The following COL4A3 variants were observed in gnomAD, a reference collection of about 807,000 sequenced individuals.
COL4A3 encodes collagen alpha-3(IV) chain.
COL4A3 carries 135 observed loss-of-function variants against 217.4 expected under a neutral mutation model. That is an observed-to-expected ratio of 0.62 (90% CI 0.54 to 0.72). The LOEUF is 0.72. COL4A3 is among the 30% of genes least tolerant of loss of function. COL4A3 has a pLI of 0.00. For missense variants in COL4A3, 1,868 were observed against 2,119.9 expected, an observed-to-expected ratio of 0.88 and a Z score of 2.33; for synonymous variants, 690 against 736.3, an observed-to-expected ratio of 0.94 and a Z score of 1.02.
intron 26 of COL4A3, among the ~76,000 whole-genome samples, chr2:227,275,013 C>G (rs553727749): frequency 6.6e-6 from 1 of 152,338 alleles, no homozygotes; most frequent in South Asian, 2.1e-4. Flanking sequence ...TGGAACACAG[C>G]TGCACTCCTG....
intron 20 of COL4A3, among the ~76,000 whole-genome samples, chr2:227,262,403 G>C (rs970383487): frequency 6.6e-6 from 1 of 152,110 alleles, no homozygotes; most frequent in Non-Finnish European, 1.5e-5. Context: ...TTTTAGGATA[G>C]TTTTTTCTGT....
intron 23 of COL4A3, among the ~76,000 whole-genome samples, chr2:227,267,580 A>C (rs909715619): frequency 6.6e-6 from 1 of 152,222 alleles, no homozygotes; most frequent in African/African-American, 2.4e-5. Context: ...GCTGGGGACA[A>C]GAGAGTTGCA....
Position 227,303,100 on chromosome 2 carries a change from A to G in COL4A3, c.3945A>G (p.Pro1315=), listed in dbSNP as rs189574905. ...PRGDPGFQGF[P]GVKGEKGNPG... The stretch of plus-strand genomic sequence containing the variant: ...GTGATCCTGGATTCCAGGGGTTTCC[A>G]GGCGTGAAAGGTACTGTTTTTGTGC... Residue 1315 remains proline (P), a synonymous_variant, in exon 44 of 52, where the codon CCA becomes CCG. Coordinates refer to ENST00000396578, the MANE Select transcript of COL4A3 (RefSeq NM_000091.5). 6.9e-5 allele frequency: 111 copies of G among 1,613,854 alleles called. No homozygotes were observed. The African/African-American group carries it at 8.7e-4, about 13-fold the overall frequency.
rs375523118 is a variant in COL4A3, at chr2:227,289,229, C to T, written c.2961C>T (p.Pro987=). The T allele has an allele frequency of 6.6e-5, 107 of 1,613,400 alleles. No individual in the cohort carries two copies. The highest frequency in any genetic ancestry group is 1.6e-4 in the Middle Eastern group (1 of 6,080). The change falls in exon 35 of 52, where the codon CCC becomes CCT. Residue 987 remains proline, a synonymous_variant. Coordinates refer to ENST00000396578, the MANE Select transcript of COL4A3 (RefSeq NM_000091.5). ...GTTTAAAGGGCCTCAAAGGACTACC[C>T]GGACCAGCAGGACCACCAGGTACAG... The part of the protein sequence containing the change: ...MPGLKGLKGL[P]GPAGPPGPRG...
Position 227,164,645 on chromosome 2 carries a change from A to G in COL4A3, c.-82A>G. On this transcript the variant is annotated 5_prime_UTR_variant, in exon 1 of 52. Coordinates refer to ENST00000396578, the MANE Select transcript of COL4A3 (RefSeq NM_000091.5). This position sits in a 1 kb window ranked among gnomAD's most constrained non-coding sequence, Gnocchi z 4.8. ...AGGCGAGCTTTCCAGCCGGGCTCCC[A>G]GAGCCGCGCTGCGCAGGAGACGCGG... 2 of 1,522,710 alleles carry G rather than the reference A, an allele frequency of 1.3e-6. No individual in the cohort carries two copies. The highest frequency in any genetic ancestry group is 1.8e-6 in the Non-Finnish European group (2 of 1,139,198). 94.3% of individuals were successfully genotyped at this position (1,522,710 alleles called of 1,614,324 possible).
At chr2:227,218,143 G>A (rs2067605509) in intron 1 of COL4A3, among the ~76,000 whole-genome samples, 1 of 146,050 alleles carries the variant, frequency 6.8e-6, no homozygotes, top group African/African-American at 2.5e-5. Flanking sequence ...CCCTTTTTAA[G>A]GTTTTCCAAA....
intron 1 of COL4A3, among the ~76,000 whole-genome samples, chr2:227,196,518 C>T (rs897240178): frequency 9.9e-5 from 15 of 151,936 alleles, no homozygotes; most frequent in South Asian, 4.2e-4. Context: ...AGGGTTTCAC[C>T]GTGATAGCCA....
intron 1 of COL4A3, among the ~76,000 whole-genome samples, chr2:227,208,203 T>C (rs986856233): frequency 2.6e-5 from 4 of 152,202 alleles, no homozygotes; most frequent in Non-Finnish European, 5.9e-5. Context: ...TGAAACAAAA[T>C]TGATAACAGC....
chr2:227,223,140 TG>T (rs35773775), intron 1 of COL4A3, among the ~76,000 whole-genome samples: 76,582 of 151,868 alleles, frequency 0.5, 20,098 homozygotes, highest in Non-Finnish European at 0.59. Flanking sequence ...GAGTGTGGTC[TG>T]GGGAACCCCT....
Position 227,280,685 on chromosome 2 carries a change from C to T in COL4A3, c.2374+95C>T, listed in dbSNP as rs148857118. 257 of 1,398,674 alleles carry T rather than the reference C, an allele frequency of 1.8e-4. No homozygotes were observed. The African/African-American group carries it at 3.2e-3, about 18-fold the overall frequency. 86.6% of individuals were successfully genotyped at this position (1,398,674 alleles called of 1,614,324 possible). ...GGTGTTCTAGGCATGAAGAATTCTCCCATCCAATGTTCCTGCCCTACCTTT... is the reference window on the plus strand; with the variant it reads ...GGTGTTCTAGGCATGAAGAATTCTCTCATCCAATGTTCCTGCCCTACCTTT... On this transcript the variant is annotated intron_variant, in intron 30 of 51. Coordinates refer to ENST00000396578, the MANE Select transcript of COL4A3 (RefSeq NM_000091.5).
At position 227,229,652 on chromosome 2, in the gene COL4A3, C is replaced by T. The variant is rs558862986; in HGVS notation, c.88-8316C>T. On this transcript the variant is annotated intron_variant, in intron 1 of 51. Coordinates refer to ENST00000396578, the MANE Select transcript of COL4A3 (RefSeq NM_000091.5). ...CCAGTGACTGAGTCCTTATTGAGTG[C>T]AGGGTACCAGGCAGGCTAGTGACAG... Among the ~76,000 whole-genome samples, 3 of 152,278 alleles carry T rather than the reference C, an allele frequency of 2.0e-5. No homozygotes were observed. In the East Asian group the frequency reaches 5.8e-4, roughly 29 times the overall value.
chr2:227,252,736 A>C (rs1162402269), intron 11 of COL4A3, among the ~76,000 whole-genome samples: 2 of 152,122 alleles, frequency 1.3e-5, no homozygotes, highest in Non-Finnish European at 2.9e-5. Context: ...TGGTCTAACA[A>C]GGGGAAGATC....
At position 227,177,391 on chromosome 2, in the gene COL4A3, A is replaced by G. The variant is rs1482630047; in HGVS notation, c.87+12578A>G. On this transcript the variant is annotated intron_variant, in intron 1 of 51. Coordinates refer to ENST00000396578, the MANE Select transcript of COL4A3 (RefSeq NM_000091.5). Reference sequence around the variant, plus strand: ...AGGATGGTCTCAATCTCCTGACCTCATGATCCGCCCGCCTCGGCCTCCCAA... The same window carrying G: ...AGGATGGTCTCAATCTCCTGACCTCGTGATCCGCCCGCCTCGGCCTCCCAA... Among the ~76,000 whole-genome samples the G allele has an allele frequency of 2.0e-5, 3 of 151,808 alleles. No homozygotes were observed. The East Asian group carries it at 5.8e-4, about 29-fold the overall frequency.
At chr2:227,211,374 C>A (rs2067315288) in intron 1 of COL4A3, among the ~76,000 whole-genome samples, 1 of 152,136 alleles carries the variant, frequency 6.6e-6, no homozygotes, top group Non-Finnish European at 1.5e-5. Flanking sequence ...TTTGTTTTTC[C>A]ATTCTACCAT....
intron 1 of COL4A3, among the ~76,000 whole-genome samples, chr2:227,224,998 A>C (rs1024443128): frequency 6.6e-6 from 1 of 152,084 alleles, no homozygotes; most frequent in Non-Finnish European, 1.5e-5. Flanking sequence ...TGTGGCCTCA[A>C]CCTCCTGGGC....
At chr2:227,276,561 TA>T (rs2071578694) in intron 27 of COL4A3, 84 bp downstream of exon 27, 1 of 1,052,086 alleles carries the variant, frequency 9.5e-7, no homozygotes, top group East Asian at 2.4e-5. Flanking sequence ...GTCCCCATTA[TA>T]AGGAAAAAAA....
intron 16 of COL4A3, 35 bp downstream of exon 16, chr2:227,256,105 A>T: frequency 6.3e-7 from 1 of 1,590,198 alleles, no homozygotes; most frequent in Non-Finnish European, 8.6e-7. Flanking sequence ...AGGTAGTAAA[A>T]ATGTCAGTCC....
At chr2:227,259,005 GT>G (rs35075518) in intron 18 of COL4A3, among the ~76,000 whole-genome samples, 12,006 of 142,812 alleles carry the variant, frequency 0.084, 589 homozygotes, top group Admixed American at 0.17. Context: ...AAGCAAAGAG[GT>G]TTTTTTTTTT....
intron 1 of COL4A3, among the ~76,000 whole-genome samples, chr2:227,201,353 G>T (rs1343092420): frequency 6.6e-6 from 1 of 151,860 alleles, no homozygotes; most frequent in Non-Finnish European, 1.5e-5. Context: ...ATAGTTAGGT[G>T]GAATCAAAAA....
Sources: gnomAD v4.1 joint callset for allele counts (sites outside exome capture counted in the v4.1 genomes callset) on GRCh38, gnomAD v4.1.1 for gene constraint, Gnocchi (gnomAD v3.1) non-coding constraint, MANE v1.5 for transcripts, NCBI Gene and HGNC (gene_info 2026-07-23, HGNC 2026-07-21) for gene names.